CHD5: variants seen among roughly 807,000 people sequenced by gnomAD.
The protein encoded by CHD5 is chromodomain helicase DNA binding protein 5.
CHD5 carries 69 observed loss-of-function variants against 230.3 expected under a neutral mutation model. The ratio of observed to expected loss-of-function variants is 0.30; its 90% confidence interval spans 0.25 to 0.37. The LOEUF is 0.37. Ranked by LOEUF, CHD5 falls within the 10% of genes least tolerant of loss-of-function variation. The pLI, the probability that CHD5 is intolerant of heterozygous loss-of-function variation, is 1.00. For missense variants in CHD5, 1,827 were observed against 2,622.8 expected (o/e 0.70, Z 6.63); for synonymous variants, 1,064 against 1,065.9 (o/e 1.00, Z 0.03).
intron 1 of CHD5, among the ~76,000 whole-genome samples, chr1:6,177,459 C>A (rs1265617994): frequency 6.6e-6 from 1 of 152,234 alleles, no homozygotes; most frequent in Non-Finnish European, 1.5e-5. Context: ...TCGAGAGTTA[C>A]ATTCGAAGGG....
chr1:6,133,845 G>C (rs1666695915), intron 20 of CHD5, among the ~76,000 whole-genome samples: 1 of 152,228 alleles, frequency 6.6e-6, no homozygotes. Flanking sequence ...CTGCGGGGGA[G>C]AGGGCCAGGG....
intron 33 of CHD5, among the ~76,000 whole-genome samples, chr1:6,116,238 A>AAG (rs1274218821): frequency 1.3e-5 from 2 of 152,176 alleles, no homozygotes. Flanking sequence ...CAGCAGGCTC[A>AAG]AAATATATAT....
intron 1 of CHD5, among the ~76,000 whole-genome samples, chr1:6,174,521 A>G (rs1667389601): frequency 6.6e-6 from 1 of 150,558 alleles, no homozygotes; most frequent in Admixed American, 6.6e-5. Flanking sequence ...GGGTGGATGG[A>G]TGGATGGATG....
chr1:6,150,746 C>A (rs967221926), intron 7 of CHD5, among the ~76,000 whole-genome samples: 5 of 152,128 alleles, frequency 3.3e-5, no homozygotes, highest in Non-Finnish European at 7.4e-5. Flanking sequence ...CCAGTCACCA[C>A]ACTGCTAATG....
rs144304397 is a variant in CHD5, at chr1:6,129,252, C to T, written c.3388-183G>A. Among the ~76,000 whole-genome samples, 1 of 152,278 alleles carries T rather than the reference C, an allele frequency of 6.6e-6. No individual in the cohort carries two copies. Among genetic ancestry groups the T allele is most frequent in the Non-Finnish European group, 1.5e-5 (1 of 68,010 alleles). On this transcript the variant is annotated intron_variant, in intron 22 of 41. Coordinates refer to ENST00000262450, the MANE Select transcript of CHD5 (RefSeq NM_015557.3). This position sits in a 1 kb window ranked among gnomAD's most constrained non-coding sequence, Gnocchi z 6.8. ...GGCTCCCTCCCTGACTGCGGAGCCTCCCACAAGCCTGGGTGCCAGGCTGGG... is the reference window on the plus strand; with the variant it reads ...GGCTCCCTCCCTGACTGCGGAGCCTTCCACAAGCCTGGGTGCCAGGCTGGG...
At chr1:6,147,576 C>T (rs530429333) in intron 9 of CHD5, among the ~76,000 whole-genome samples, 5 of 152,306 alleles carry the variant, frequency 3.3e-5, no homozygotes, top group South Asian at 4.1e-4. Flanking sequence ...TCCAAGGAGG[C>T]GGTGCTGTCT....
intron 11 of CHD5, 46 bp from the exon 12 acceptor site, chr1:6,144,201 A>ACTCAC: frequency 6.2e-7 from 1 of 1,610,064 alleles, no homozygotes. Context: ...CAGTGGCCAC[A>ACTCAC]GCACAGGTTT....
At position 6,125,970 on chromosome 1, in the gene CHD5, A is replaced by G. The variant is rs909271857; in HGVS notation, c.4079-112T>C. On this transcript the variant is annotated intron_variant, in intron 26 of 41. Transcript: ENST00000262450. The surrounding 1 kb of genome is among the most constrained non-coding windows in gnomAD (Gnocchi z 6.7). Reference sequence around the variant, plus strand: ...GCCCCTGCACCCCAGCTCCATAAAAAAGCAGTGACAATGGCCCACATACTT... The same window carrying G: ...GCCCCTGCACCCCAGCTCCATAAAAGAGCAGTGACAATGGCCCACATACTT... 2.7e-6 allele frequency: 2 copies of G among 740,496 alleles called. No homozygotes were observed. Among genetic ancestry groups the G allele is most frequent in the Non-Finnish European group, 4.7e-6 (2 of 427,134 alleles). The allele number at this position is 740,496 out of a possible 1,614,324, so 45.9% of individuals were successfully genotyped here. A position where few individuals can be genotyped will look rare whatever the true frequency, so the allele number is the denominator to read the frequency against.
At position 6,146,665 on chromosome 1, in the gene CHD5, C is replaced by T. The variant is rs2100861074; in HGVS notation, c.1590G>A (p.Gln530=). 1 of 1,613,890 alleles carries T rather than the reference C, an allele frequency of 6.2e-7. No individual in the cohort carries two copies. The highest frequency in any genetic ancestry group is 1.3e-5 in the African/African-American group (1 of 75,054). The change falls in exon 10 of 42, where the codon CAG becomes CAA. Residue 530 remains glutamine (Q), a splice_region_variant and synonymous_variant. Transcript: ENST00000262450. The surrounding 1 kb of genome is among the most constrained non-coding windows in gnomAD (Gnocchi z 5.1). ...YWHCSWVKEL[Q]LELYHTVMYR... The stretch of plus-strand genomic sequence containing the variant: ...CACAGCCACCCTCCCGGGCACTCAC[C>T]TGTAGCTCCTTCACCCAGGAGCAAT...
chr1:6,137,568 A>G (rs1666765385), intron 15 of CHD5, among the ~76,000 whole-genome samples: 1 of 152,188 alleles, frequency 6.6e-6, no homozygotes, highest in Non-Finnish European at 1.5e-5. Flanking sequence ...CCCGGCCTCA[A>G]GCAATCCTCC....
At chr1:6,137,385 G>A (rs1394194422) in intron 15 of CHD5, among the ~76,000 whole-genome samples, 1 of 152,180 alleles carries the variant, frequency 6.6e-6, no homozygotes. Flanking sequence ...GGGATTACAG[G>A]CGTGAGCCAC....
intron 6 of CHD5, among the ~76,000 whole-genome samples, chr1:6,152,025 T>TC (rs1335344783): frequency 1.3e-5 from 2 of 148,242 alleles, no homozygotes; most frequent in African/African-American, 5.0e-5. Flanking sequence ...ACCCAACTAC[T>TC]CCCCCCGAGA....
rs890679944 is a variant in CHD5, at chr1:6,176,702, C to T, written c.79+3243G>A. ...CTGGGCACTGTGGCCTAATGTTCCA[C>T]ATGCACTGTCTCACTGTTCCTCATA... On this transcript the variant is annotated intron_variant, in intron 1 of 41. Transcript: ENST00000262450. Among the ~76,000 whole-genome samples, 10 of 152,332 alleles carry T rather than the reference C, an allele frequency of 6.6e-5. No individual in the cohort carries two copies. The South Asian group carries it at 2.1e-3, about 32-fold the overall frequency.
chr1:6,141,000 T>G (rs1666819582), intron 15 of CHD5, among the ~76,000 whole-genome samples: 1 of 137,932 alleles, frequency 7.2e-6, no homozygotes, highest in Admixed American at 7.4e-5. Context: ...ATAATAATAA[T>G]AGGCTGAGCG....
chr1:6,136,658 G>A lies in CHD5; in HGVS notation c.2575-20C>T, dbSNP rs777377340. ...AAAAAACTGAGGGGAGGAGAGTGGG[G>A]CCTGTCAGGGGGCTCTGGGCGGCCC... On this transcript the variant is annotated intron_variant, in intron 16 of 41. Coordinates refer to ENST00000262450, the MANE Select transcript of CHD5 (RefSeq NM_015557.3). 18 of 1,613,580 alleles carry A rather than the reference G, an allele frequency of 1.1e-5. No individual in the cohort carries two copies. Among genetic ancestry groups the A allele is most frequent in the Non-Finnish European group, 1.5e-5 (18 of 1,179,764 alleles).
At chr1:6,164,247 G>A (rs546769508) in intron 2 of CHD5, among the ~76,000 whole-genome samples, 10 of 152,366 alleles carry the variant, frequency 6.6e-5, no homozygotes, top group African/African-American at 2.4e-4. Flanking sequence ...AAGGAAGGGT[G>A]CGGAGAGTGG....
intron 36 of CHD5, among the ~76,000 whole-genome samples, chr1:6,111,523 A>G: frequency 6.6e-6 from 1 of 151,092 alleles, no homozygotes. Context: ...GACAGAGTGA[A>G]ACTCTATCTC....
intron 31 of CHD5, among the ~76,000 whole-genome samples, chr1:6,122,180 T>A (rs1348855427): frequency 6.6e-6 from 1 of 152,190 alleles, no homozygotes; most frequent in Non-Finnish European, 1.5e-5. Flanking sequence ...TCTCAGGGCC[T>A]GGCCTCACCC....
rs375091569 is a variant in CHD5, at chr1:6,112,174, C to T, written c.5106G>A (p.Lys1702=). The T allele has an allele frequency of 1.2e-6, 2 of 1,614,042 alleles. No individual in the cohort carries two copies. Among genetic ancestry groups the T allele is most frequent in the African/African-American group, 2.7e-5 (2 of 74,916 alleles). Residue 1702 remains lysine, a synonymous_variant, in exon 35 of 42, where the codon AAG becomes AAA. Coordinates refer to ENST00000262450, the MANE Select transcript of CHD5 (RefSeq NM_015557.3). ...GKKEDKKGKF[K]FMFNIADGGF... ...CCCCGTCCGCGATGTTGAACATGAA[C>T]TTGAATTTCCCCTTCTTGTCCTCCT...
Sources: gnomAD v4.1 joint callset for allele counts (sites outside exome capture counted in the v4.1 genomes callset) on GRCh38, gnomAD v4.1.1 for gene constraint, Gnocchi (gnomAD v3.1) non-coding constraint, MANE v1.5 for transcripts, NCBI Gene and HGNC (gene_info 2026-07-23, HGNC 2026-07-21) for gene names.